Variants in KANSL1 observed in about 807,000 individuals in gnomAD.
KANSL1 encodes KAT8 regulatory NSL complex subunit 1, also known as MLL1/MLL complex subunit KANSL1.
A neutral mutation model predicts 103.6 loss-of-function variants in KANSL1; 22 were observed. The ratio of observed to expected loss-of-function variants is 0.21; its 90% CI spans 0.15 to 0.30. KANSL1 has a LOEUF of 0.30. Ranked by LOEUF, KANSL1 falls within the 10% of genes least tolerant of loss-of-function variation. The pLI, the probability that KANSL1 is intolerant of heterozygous loss-of-function variation, is 1.00. For synonymous variants in KANSL1, 600 were observed against 527.6 expected (o/e 1.14, Z -1.88); for missense variants, 1,337 against 1,399.8 (o/e 0.96, Z 0.72).
In KANSL1 at chr17:46,193,297, C is replaced by A; in HGVS notation, c.-564G>T. On this transcript the variant is annotated 5_prime_UTR_variant, in exon 1 of 15. Coordinates refer to ENST00000432791, the MANE Select transcript of KANSL1 (RefSeq NM_015443.4). Reference sequence around the variant, plus strand: ...CGCCCCCCGCGCCGCCGCGGCGAGACGAGTCGGCTTCGCTACGGTGCTCGG... The same window carrying A: ...CGCCCCCCGCGCCGCCGCGGCGAGAAGAGTCGGCTTCGCTACGGTGCTCGG... The A allele has an allele frequency of 6.6e-6, 1 of 152,240 alleles. No individual in the cohort carries two copies. The highest frequency in any genetic ancestry group is 1.5e-5 in the Non-Finnish European group (1 of 68,328). 9.4% of individuals were successfully genotyped at this position (152,240 alleles called of 1,614,324 possible).
At chr17:46,059,253 A>C (rs971612975) in intron 6 of KANSL1, among the ~76,000 whole-genome samples, 9 of 152,104 alleles carry the variant, frequency 5.9e-5, no homozygotes, top group Admixed American at 1.3e-4. Flanking sequence ...GCTAAGTGGA[A>C]AGTCTCTGAA....
chr17:46,068,375 G>T (rs961107143), intron 4 of KANSL1, among the ~76,000 whole-genome samples: 1 of 151,968 alleles, frequency 6.6e-6, no homozygotes, highest in Non-Finnish European at 1.5e-5. Context: ...ACCAGCCTGG[G>T]CAACATGACA....
intron 1 of KANSL1, among the ~76,000 whole-genome samples, chr17:46,177,153 C>T (rs532042052): frequency 6.6e-6 from 1 of 152,350 alleles, no homozygotes; most frequent in East Asian, 1.9e-4. Context: ...TTTAAGTCTC[C>T]TCATCTACAA....
At chr17:46,133,358 A>G (rs1015736128) in intron 2 of KANSL1, among the ~76,000 whole-genome samples, 1 of 152,254 alleles carries the variant, frequency 6.6e-6, no homozygotes, top group Admixed American at 6.5e-5. Flanking sequence ...TTACCATGAA[A>G]CATAACCAGA....
Position 46,059,070 on chromosome 17 carries a change from G to GA in KANSL1, c.1848+7466dup, listed in dbSNP as rs199725437. Among the ~76,000 whole-genome samples the GA allele has an allele frequency of 8.5e-3, 1,201 of 140,664 alleles. 21 individuals carry two copies. Among genetic ancestry groups the GA allele is most frequent in the African/African-American group, 0.03 (1,137 of 38,020 alleles). The allele number at this position is 140,664 out of a possible 152,430, so 92.3% of individuals were successfully genotyped here. ...TCGGAAAAAAAAAAAAAGAAAGAAA[G>GA]AAAAAAAAAAGAGCAGAGCTTTTGG... is the stretch of plus-strand genomic sequence containing the variant. On this transcript the variant is annotated intron_variant, in intron 6 of 14. Coordinates refer to ENST00000432791, the MANE Select transcript of KANSL1 (RefSeq NM_015443.4).
intron 2 of KANSL1, among the ~76,000 whole-genome samples, chr17:46,096,311 C>CTTTCTTTCTTTCTTTTTTT (rs753073992): frequency 4.8e-4 from 37 of 76,394 alleles, no homozygotes; most frequent in African/African-American, 7.8e-4. Flanking sequence ...GCTTTTTTTT[C>CTTTCTTTCTTTCTTTTTTT]TTTTTTTTTT....
intron 1 of KANSL1, among the ~76,000 whole-genome samples, chr17:46,174,400 G>A (rs1468744726): frequency 2.0e-5 from 3 of 152,170 alleles, no homozygotes; most frequent in African/African-American, 7.2e-5. Flanking sequence ...GGCCAGGATG[G>A]TCACAATCTC....
Position 46,192,838 on chromosome 17 carries a change from C to G in KANSL1, c.-105G>C. On this transcript the variant is annotated 5_prime_UTR_variant, in exon 1 of 15. Coordinates refer to ENST00000432791, the MANE Select transcript of KANSL1 (RefSeq NM_015443.4). ...CAGCACCTACCACGTGATGGAGGAGCGTAGCCCGGGCGGATTCAGCCCCAC... is the reference window on the plus strand; with the variant it reads ...CAGCACCTACCACGTGATGGAGGAGGGTAGCCCGGGCGGATTCAGCCCCAC... 1 of 154,160 alleles carries G rather than the reference C, an allele frequency of 6.5e-6. No individual in the cohort carries two copies. Among genetic ancestry groups the G allele is most frequent in the Non-Finnish European group, 1.4e-5 (1 of 69,120 alleles). The allele number at this position is 154,160 out of a possible 1,614,324, so 9.5% of individuals were successfully genotyped here.
chr17:46,126,279 TA>T (rs1437736156), intron 2 of KANSL1, among the ~76,000 whole-genome samples: 2 of 152,068 alleles, frequency 1.3e-5, no homozygotes, highest in Non-Finnish European at 2.9e-5. Context: ...TGGTCTCTAC[TA>T]AAAATACAAA....
intron 2 of KANSL1, among the ~76,000 whole-genome samples, chr17:46,143,476 A>G (rs2044526878): frequency 6.6e-6 from 1 of 151,884 alleles, no homozygotes; most frequent in Non-Finnish European, 1.5e-5. Flanking sequence ...CCTGGGCAAC[A>G]AGAGCAAAAC....
chr17:46,049,239 C>G (rs1008049660), intron 7 of KANSL1, among the ~76,000 whole-genome samples: 9 of 123,826 alleles, frequency 7.3e-5, no homozygotes, highest in Non-Finnish European at 1.4e-4. Context: ...CCATCCAAGA[C>G]CTTTTTTTTT....
At chr17:46,034,606 A>AC (rs1354562311) in intron 10 of KANSL1, 1 of 269,080 alleles carries the variant, frequency 3.7e-6, no homozygotes, top group Non-Finnish European at 7.1e-6. Context: ...CTCTATATAC[A>AC]CCTCTATTAA....
rs866107893 is a variant in KANSL1, at chr17:46,160,617, A to G, written c.1289+10238T>C. Reference sequence around the variant, plus strand: ...ATAACCCATCCAACTTCTACTCCACAAAAGAAAATGAGTAATTTTCTTTTA... The same window carrying G: ...ATAACCCATCCAACTTCTACTCCACGAAAGAAAATGAGTAATTTTCTTTTA... On this transcript the variant is annotated intron_variant, in intron 2 of 14. Transcript: ENST00000432791. 4.6e-5 allele frequency among the ~76,000 whole-genome samples: 7 copies of G among 152,336 alleles called. No individual in the cohort carries two copies. The South Asian group carries it at 1.2e-3, about 27-fold the overall frequency.
chr17:46,062,483 C>T (rs1038143036), intron 6 of KANSL1, among the ~76,000 whole-genome samples: 3 of 150,566 alleles, frequency 2.0e-5, no homozygotes, highest in African/African-American at 7.3e-5. Flanking sequence ...CCCAGCCTCT[C>T]GAGTAGCTGG....
chr17:46,038,872 G>C, intron 9 of KANSL1, 155 bp downstream of exon 9: 1 of 1,139,884 alleles, frequency 8.8e-7, no homozygotes, highest in Non-Finnish European at 1.2e-6. Flanking sequence ...TAGCAGTTAA[G>C]AAGTGACCTC....
Position 46,031,610 on chromosome 17 carries a change from G to A in KANSL1, c.3184C>T (p.Arg1062Cys), listed in dbSNP as rs2077009434. 2.5e-6 allele frequency: 4 copies of A among 1,614,092 alleles called. No homozygotes were observed. The highest frequency in any genetic ancestry group is 2.2e-5 in the South Asian group (2 of 91,074). Residue 1062 changes from arginine to cysteine, a missense_variant, in exon 15 of 15, where the codon CGC becomes TGC. Around this residue, in one of 2 missense-constraint regions of KANSL1, gnomAD observed 780 missense variants for 923.4 expected, o/e 0.84. Coordinates refer to ENST00000432791, the MANE Select transcript of KANSL1 (RefSeq NM_015443.4). Reference sequence around the variant, plus strand: ...CTGCCTGAGGTGCGTCGAGTGCAGCGGGCTGCTCGCTCCTGTGCATCCAGC... The same window carrying A: ...CTGCCTGAGGTGCGTCGAGTGCAGCAGGCTGCTCGCTCCTGTGCATCCAGC... The part of the protein sequence containing the change: ...DQLDAQERAA[R>C]CTRRTSGSKT...
At chr17:46,102,308 G>C (rs1227220626) in intron 2 of KANSL1, among the ~76,000 whole-genome samples, 1 of 152,140 alleles carries the variant, frequency 6.6e-6, no homozygotes, top group African/African-American at 2.4e-5. Flanking sequence ...GGAGTGCAGA[G>C]GCACGATCTC....
At chr17:46,157,834 C>T (rs186893451) in intron 2 of KANSL1, among the ~76,000 whole-genome samples, 29 of 152,254 alleles carry the variant, frequency 1.9e-4, no homozygotes, top group Admixed American at 4.6e-4. Context: ...CCTGTCCTCC[C>T]AGCCTTTTGA....
chr17:46,095,355 AC>A (rs1487557961), intron 2 of KANSL1, among the ~76,000 whole-genome samples: 1 of 152,228 alleles, frequency 6.6e-6, no homozygotes, highest in Non-Finnish European at 1.5e-5. Flanking sequence ...GGAATAAAGG[AC>A]CAACAGCAAG....
Sources: gnomAD v4.1 joint callset for allele counts (sites outside exome capture counted in the v4.1 genomes callset) on GRCh38, gnomAD v4.1.1 for gene constraint, gnomAD v4.1.1 regional missense constraint, MANE v1.5 for transcripts, NCBI Gene and HGNC (gene_info 2026-07-23, HGNC 2026-07-21) for gene names.